Variants in AGBL1 observed in about 807,000 individuals in gnomAD.
AGBL1 encodes AGBL carboxypeptidase 1.
Under a neutral mutation model 118.9 loss-of-function variants are expected in AGBL1, and 130 were observed. The ratio of observed to expected loss-of-function variants is 1.09; its 90% CI spans 0.95 to 1.26. The LOEUF (loss-of-function observed/expected upper bound fraction) is 1.26, where lower values mean the gene tolerates loss of function less well. Ranked by LOEUF, AGBL1 falls within the 50% of genes most tolerant of loss-of-function variation. The pLI, the probability that AGBL1 is intolerant of heterozygous loss-of-function variation, is 0.00. For synonymous variants in AGBL1, 555 were observed against 478.9 expected (o/e 1.16, Z -2.08); for missense variants, 1,584 against 1,298.1 (o/e 1.22, Z -3.38).
intron 22 of AGBL1, among the ~76,000 whole-genome samples, chr15:86,720,511 C>T (rs76165881): frequency 0.011 from 1,719 of 152,292 alleles, 43 homozygotes; most frequent in African/African-American, 0.038. Context: ...GAATTTACTT[C>T]GCTGCCAATG....
intron 22 of AGBL1, among the ~76,000 whole-genome samples, chr15:86,839,946 T>A (rs1217998551): frequency 1.3e-5 from 2 of 152,230 alleles, no homozygotes; most frequent in African/African-American, 4.8e-5. Context: ...TTTATGCATA[T>A]CTACCTTTCC....
At chr15:86,396,225 A>ATG (rs1193757610) in intron 17 of AGBL1, among the ~76,000 whole-genome samples, 3,334 of 128,160 alleles carry the variant, frequency 0.026, 94 homozygotes, top group Admixed American at 0.1. Flanking sequence ...GTGTATATAT[A>ATG]TGTGTGTGTG....
chr15:86,810,777 C>G (rs879510394), intron 22 of AGBL1, among the ~76,000 whole-genome samples: 9 of 152,134 alleles, frequency 5.9e-5, no homozygotes, highest in Non-Finnish European at 1.2e-4. Context: ...GTCTCTAAAA[C>G]ATCCATAAGC....
intron 22 of AGBL1, among the ~76,000 whole-genome samples, chr15:86,783,796 ATTGT>A (rs1168118925): frequency 2.0e-5 from 3 of 152,042 alleles, no homozygotes; most frequent in Non-Finnish European, 2.9e-5. Context: ...CACCTGGCTA[ATTGT>A]TTGTATTTTT....
chr15:86,874,660 GA>G (rs2079780489), intron 22 of AGBL1, among the ~76,000 whole-genome samples: 2 of 152,148 alleles, frequency 1.3e-5, no homozygotes, highest in African/African-American at 4.8e-5. Flanking sequence ...GGAGGAAGAA[GA>G]AATGGGGACA....
chr15:86,499,582 T>C (rs892777245), intron 18 of AGBL1, among the ~76,000 whole-genome samples: 17 of 151,844 alleles, frequency 1.1e-4, no homozygotes, highest in African/African-American at 4.1e-4. Context: ...GGATTGTACA[T>C]TGACTTGAGG....
At chr15:86,131,500 T>C (rs1419303815) in intron 1 of AGBL1, among the ~76,000 whole-genome samples, 1 of 152,222 alleles carries the variant, frequency 6.6e-6, no homozygotes, top group African/African-American at 2.4e-5. Context: ...AGAAAGTTTA[T>C]GTTTGCTTTT....
chr15:86,491,226 G>T (rs939011671), intron 18 of AGBL1, among the ~76,000 whole-genome samples: 3 of 152,060 alleles, frequency 2.0e-5, no homozygotes, highest in Admixed American at 6.6e-5. Flanking sequence ...GAAGAGAAGG[G>T]TTATCCAGAT....
chr15:86,760,698 T>C (rs902422964), intron 22 of AGBL1, among the ~76,000 whole-genome samples: 1 of 152,104 alleles, frequency 6.6e-6, no homozygotes, highest in African/African-American at 2.4e-5. Context: ...TTTCTTTCCT[T>C]TGGCAGTGTG....
intron 19 of AGBL1, among the ~76,000 whole-genome samples, chr15:86,542,935 G>A (rs2083525448): frequency 6.6e-6 from 1 of 152,016 alleles, no homozygotes; most frequent in African/African-American, 2.4e-5. Flanking sequence ...CTTCGTGTAG[G>A]CAGAATATAT....
At chr15:86,936,307 G>GAA (rs909728253) in intron 23 of AGBL1, among the ~76,000 whole-genome samples, 3 of 151,502 alleles carry the variant, frequency 2.0e-5, no homozygotes, top group African/African-American at 7.3e-5. Flanking sequence ...AGATAAACAA[G>GAA]AAAAAAAACA....
chr15:86,116,570 G>A (rs1414944400), intron 1 of AGBL1: 1 of 152,260 alleles, frequency 6.6e-6, no homozygotes, highest in East Asian at 1.9e-4. Context: ...ACAGAGGAAT[G>A]ATGAACTTAC....
chr15:86,452,388 C>T (rs547031349), intron 18 of AGBL1, among the ~76,000 whole-genome samples: 1 of 152,178 alleles, frequency 6.6e-6, no homozygotes, highest in Non-Finnish European at 1.5e-5. Context: ...GGAGATGCCT[C>T]TGATTTGTAG....
chr15:86,206,616 T>A (rs1197588488), intron 5 of AGBL1, among the ~76,000 whole-genome samples: 1 of 152,268 alleles, frequency 6.6e-6, no homozygotes, highest in Admixed American at 6.5e-5. Context: ...TGTCTTCTTT[T>A]GAGAAATGTC....
intron 22 of AGBL1, among the ~76,000 whole-genome samples, chr15:86,870,938 C>T (rs1163370486): frequency 6.6e-6 from 1 of 152,152 alleles, no homozygotes; most frequent in Non-Finnish European, 1.5e-5. Flanking sequence ...GTACAGATTC[C>T]TTAGTCGACT....
At chr15:86,502,048 A>G (rs2082923153) in intron 18 of AGBL1, among the ~76,000 whole-genome samples, 1 of 151,590 alleles carries the variant, frequency 6.6e-6, no homozygotes, top group Admixed American at 6.6e-5. Flanking sequence ...TGCCATTTTA[A>G]TATCAAGTCT....
At chr15:86,626,769 G>A (rs1445021538) in intron 21 of AGBL1, among the ~76,000 whole-genome samples, 1 of 151,780 alleles carries the variant, frequency 6.6e-6, no homozygotes, top group Non-Finnish European at 1.5e-5. Context: ...ATTGTGGAGA[G>A]CCTTCCTAAA....
intron 18 of AGBL1, among the ~76,000 whole-genome samples, chr15:86,453,367 C>T (rs1290083836): frequency 6.6e-6 from 1 of 152,184 alleles, no homozygotes; most frequent in African/African-American, 2.4e-5. Context: ...GTTCCGGAAA[C>T]TTCAAATCCA....
intron 18 of AGBL1, among the ~76,000 whole-genome samples, chr15:86,449,689 A>G (rs2082169378): frequency 6.6e-6 from 1 of 152,128 alleles, no homozygotes; most frequent in Non-Finnish European, 1.5e-5. Context: ...AGTGTGGAGA[A>G]GGTAGGAAGC....
Sources: allele counts gnomAD v4.1 joint callset (sites outside exome capture counted in the v4.1 genomes callset), GRCh38; gene constraint gnomAD v4.1.1; transcripts MANE v1.5; gene names NCBI Gene and HGNC (gene_info 2026-07-23, HGNC 2026-07-21).